The following GLG1 variants were observed in gnomAD, a reference collection of about 807,000 sequenced individuals.
GLG1 encodes the protein golgi glycoprotein 1, also known as Golgi apparatus protein 1.
A neutral mutation model predicts 160.5 loss-of-function variants in GLG1; 38 were observed. That is an observed-to-expected ratio of 0.24 (90% CI 0.18 to 0.31). GLG1 has a LOEUF of 0.31. Ranked by LOEUF, GLG1 falls within the 10% of genes least tolerant of loss-of-function variation. The pLI is 1.00. For missense variants in GLG1, 1,373 were observed against 1,505.2 expected (o/e 0.91, Z 1.45); for synonymous variants, 644 against 543.4 (o/e 1.19, Z -2.57).
At chr16:74,472,647 G>C in intron 13 of GLG1, 1 of 1,122,212 alleles carries the variant, frequency 8.9e-7, no homozygotes, top group South Asian at 1.3e-5. Context: ...GAACAAATGA[G>C]AAGGCAGAAT....
intron 1 of GLG1, among the ~76,000 whole-genome samples, chr16:74,601,873 T>C (rs1958446917): frequency 6.6e-6 from 1 of 152,186 alleles, no homozygotes; most frequent in Non-Finnish European, 1.5e-5. Flanking sequence ...GAGTATGGTC[T>C]TTTAAGTCAA....
At chr16:74,572,521 A>C (rs543832940) in intron 1 of GLG1, among the ~76,000 whole-genome samples, 5 of 147,142 alleles carry the variant, frequency 3.4e-5, no homozygotes, top group East Asian at 2.0e-4. Context: ...TCAAAAAAAA[A>C]ACAAACAAAA....
chr16:74,521,570 C>T (rs937876934), intron 2 of GLG1, among the ~76,000 whole-genome samples: 1 of 151,996 alleles, frequency 6.6e-6, no homozygotes, highest in Non-Finnish European at 1.5e-5. Flanking sequence ...AGAGGAGCCA[C>T]TAGTGGGGAT....
chr16:74,577,361 A>C (rs1343193622), intron 1 of GLG1, among the ~76,000 whole-genome samples: 1 of 152,066 alleles, frequency 6.6e-6, no homozygotes, highest in Non-Finnish European at 1.5e-5. Flanking sequence ...ATCTCTACTA[A>C]AAATACAATA....
chr16:74,572,607 T>C (rs949168943), intron 1 of GLG1, among the ~76,000 whole-genome samples: 2 of 149,822 alleles, frequency 1.3e-5, no homozygotes, highest in African/African-American at 2.5e-5. Flanking sequence ...TCCTGGAGAG[T>C]GGCCTGCCTG....
At chr16:74,502,592 G>T (rs2016445680) in intron 4 of GLG1, among the ~76,000 whole-genome samples, 2 of 151,376 alleles carry the variant, frequency 1.3e-5, no homozygotes, top group African/African-American at 4.9e-5. Context: ...CTCCCAGGCT[G>T]GAGTGCAGTG....
chr16:74,508,216 G>A (rs922980666), intron 3 of GLG1, among the ~76,000 whole-genome samples: 2 of 149,496 alleles, frequency 1.3e-5, no homozygotes, highest in Admixed American at 6.8e-5. Flanking sequence ...ATCTATGACT[G>A]TTAATTCTGG....
At chr16:74,476,156 T>C (rs2015384261) in intron 12 of GLG1, among the ~76,000 whole-genome samples, 1 of 151,894 alleles carries the variant, frequency 6.6e-6, no homozygotes, top group Non-Finnish European at 1.5e-5. Flanking sequence ...CACTCCAGCA[T>C]GGGTGACAAA....
At position 74,469,981 on chromosome 16, in the gene GLG1, A is replaced by T. The variant is rs752758012; in HGVS notation, c.2318+4T>A. The T allele has an allele frequency of 5.8e-6, 9 of 1,553,254 alleles. No homozygotes were observed. The highest frequency in any genetic ancestry group is 8.0e-6 in the Non-Finnish European group (9 of 1,124,396). On this transcript the variant is annotated splice_donor_region_variant and intron_variant, in intron 16 of 25. Coordinates refer to ENST00000422840, the MANE Select transcript of GLG1 (RefSeq NM_001145667.2). ...GTGGAATGAAACAACTACAAGCTAC[A>T]TACTTCTTTTTTATGTTTGGGCAAA...
chr16:74,512,620 A>G (rs550966329), intron 2 of GLG1, among the ~76,000 whole-genome samples: 1 of 152,000 alleles, frequency 6.6e-6, no homozygotes, highest in South Asian at 2.1e-4. Context: ...CAAACGTGTA[A>G]TGAGTAACTA....
In GLG1 at chr16:74,451,178, T is replaced by G. The variant is rs2143094812; in HGVS notation, c.*1989A>C. On this transcript the variant is annotated 3_prime_UTR_variant, in exon 26 of 26. Transcript: ENST00000422840. ...CTGCAGAGACTCTCGGGCCGCTCAC[T>G]CCGGCTGGCAGTGGCGGGAGGCAGT... The G allele has an allele frequency of 6.6e-6, 1 of 152,410 alleles. No individual in the cohort carries two copies. Among genetic ancestry groups the G allele is most frequent in the Non-Finnish European group, 1.5e-5 (1 of 68,144 alleles). The allele number at this position is 152,410 out of a possible 1,614,324, so 9.4% of individuals were successfully genotyped here.
At chr16:74,522,283 C>A (rs960085488) in intron 2 of GLG1, among the ~76,000 whole-genome samples, 1 of 152,196 alleles carries the variant, frequency 6.6e-6, no homozygotes, top group Non-Finnish European at 1.5e-5. Flanking sequence ...GTAGGGTAAA[C>A]ACCTAGAAGT....
At chr16:74,582,869 A>G (rs1390947537) in intron 1 of GLG1, among the ~76,000 whole-genome samples, 1 of 110,316 alleles carries the variant, frequency 9.1e-6, no homozygotes, top group Non-Finnish European at 1.9e-5. Flanking sequence ...AAATAAAATA[A>G]AATAAAAATC....
chr16:74,518,412 T>C (rs1307872928), intron 2 of GLG1, among the ~76,000 whole-genome samples: 1 of 152,214 alleles, frequency 6.6e-6, no homozygotes, highest in Non-Finnish European at 1.5e-5. Flanking sequence ...TACCACCATC[T>C]GATCTTTGAC....
intron 1 of GLG1, among the ~76,000 whole-genome samples, chr16:74,565,989 G>C (rs1038832902): frequency 6.6e-6 from 1 of 152,188 alleles, no homozygotes; most frequent in African/African-American, 2.4e-5. Flanking sequence ...AGGAAACCTC[G>C]TCAGGTATTT....
chr16:74,548,000 G>A (rs1567516774), intron 1 of GLG1, among the ~76,000 whole-genome samples: 3 of 152,300 alleles, frequency 2.0e-5, no homozygotes, highest in South Asian at 2.1e-4. Context: ...GCTCAGTCGC[G>A]GCTCACTGCA....
At chr16:74,563,079 ACT>A (rs1354677224) in intron 1 of GLG1, 1 of 152,170 alleles carries the variant, frequency 6.6e-6, no homozygotes, top group African/African-American at 2.4e-5. Flanking sequence ...ATGGATCAAA[ACT>A]TCTCTGTCAT....
intron 2 of GLG1, among the ~76,000 whole-genome samples, chr16:74,522,345 T>C (rs1346690300): frequency 1.3e-5 from 2 of 152,242 alleles, no homozygotes; most frequent in African/African-American, 4.8e-5. Context: ...AAGCCAGCTT[T>C]GAAAGCACTA....
At position 74,470,355 on chromosome 16, in the gene GLG1, T is replaced by TTCCCTCCTTCCTTCCTTCCC. The variant is rs1443159952; in HGVS notation, c.2230-302_2230-283dup. Among the ~76,000 whole-genome samples, 9 of 138,554 alleles carry TTCCCTCCTTCCTTCCTTCCC rather than the reference T, an allele frequency of 6.5e-5. No individual in the cohort carries two copies. The East Asian group carries it at 6.6e-4, about 10-fold the overall frequency. 90.9% of individuals were successfully genotyped at this position (138,554 alleles called of 152,430 possible). On this transcript the variant is annotated intron_variant, in intron 15 of 25. Coordinates refer to ENST00000422840, the MANE Select transcript of GLG1 (RefSeq NM_001145667.2). ...CTTCTTTCCTTCCCTCCTTCCTTCC[T>TTCCCTCCTTCCTTCCTTCCC]TCCCTCCTTCCTTCCTTCCCTCCCT...
Sources: gnomAD v4.1 joint callset for allele counts (sites outside exome capture counted in the v4.1 genomes callset) on GRCh38, gnomAD v4.1.1 for gene constraint, MANE v1.5 for transcripts, NCBI Gene and HGNC (gene_info 2026-07-23, HGNC 2026-07-21) for gene names.